The following JAM3 variants were observed in gnomAD, a reference collection of about 807,000 sequenced individuals.
The protein encoded by JAM3 is junctional adhesion molecule 3.
Under a neutral mutation model 39.4 loss-of-function variants are expected in JAM3, and 31 were observed. That is an observed-to-expected ratio of 0.79 (90% CI 0.59 to 1.06). The LOEUF (loss-of-function observed/expected upper bound fraction) is 1.06, where lower values mean the gene tolerates loss of function less well. Among genes scored for constraint, JAM3 ranks in the 50% least tolerant of loss-of-function variants. JAM3 has a pLI of 0.00. For missense variants in JAM3, 455 were observed against 391.4 expected, an observed-to-expected ratio of 1.16 and a Z score of -1.37; for synonymous variants, 182 against 148.7, an observed-to-expected ratio of 1.22 and a Z score of -1.63.
chr11:134,145,768 G>A (rs111841891), intron 5 of JAM3, among the ~76,000 whole-genome samples, 178 bp from the exon 6 acceptor site: 1 of 152,224 alleles, frequency 6.6e-6, no homozygotes, highest in African/African-American at 2.4e-5. Context: ...AAGGGGATTG[G>A]TTGTTGGGGA....
intron 1 of JAM3, among the ~76,000 whole-genome samples, chr11:134,072,766 C>G (rs1016740107): frequency 1.3e-5 from 2 of 152,100 alleles, no homozygotes; most frequent in Non-Finnish European, 2.9e-5. Context: ...AAAAATTAGC[C>G]GGGCGTGCTG....
At chr11:134,138,206 A>G (rs1207890033) in intron 1 of JAM3, among the ~76,000 whole-genome samples, 5 of 122,954 alleles carry the variant, frequency 4.1e-5, no homozygotes, top group Admixed American at 1.5e-4. Context: ...ATACTGAGAG[A>G]AATGTTTATG....
At chr11:134,124,052 C>T in intron 1 of JAM3, 2 of 1,444,288 alleles carry the variant, frequency 1.4e-6, no homozygotes, top group Non-Finnish European at 1.9e-6. Context: ...AGCCACCTGG[C>T]TCTTCACAGA....
intron 1 of JAM3, among the ~76,000 whole-genome samples, chr11:134,084,622 CTG>C (rs1384544886): frequency 6.6e-6 from 1 of 152,166 alleles, no homozygotes; most frequent in Non-Finnish European, 1.5e-5. Flanking sequence ...CTGTTACTAA[CTG>C]TGCTTGTTCC....
At chr11:134,136,929 C>G (rs978526883) in intron 1 of JAM3, among the ~76,000 whole-genome samples, 1 of 152,016 alleles carries the variant, frequency 6.6e-6, no homozygotes, top group Non-Finnish European at 1.5e-5. Flanking sequence ...CTGGCTAACA[C>G]GGTGAAACCC....
chr11:134,089,249 G>C (rs561514483), intron 1 of JAM3, among the ~76,000 whole-genome samples: 39 of 152,120 alleles, frequency 2.6e-4, no homozygotes, highest in South Asian at 1.5e-3. Flanking sequence ...CAGCACTTAG[G>C]ATATTTTGTT....
chr11:134,073,739 A>G (rs1941519476), intron 1 of JAM3, among the ~76,000 whole-genome samples: 1 of 152,202 alleles, frequency 6.6e-6, no homozygotes, highest in Non-Finnish European at 1.5e-5. Flanking sequence ...TCTCAATGAT[A>G]ATAAACATTT....
chr11:134,083,006 GGAT>G (rs1941691729), intron 1 of JAM3, among the ~76,000 whole-genome samples: 2 of 152,064 alleles, frequency 1.3e-5, no homozygotes, highest in African/African-American at 4.8e-5. Flanking sequence ...TCTATTTTAT[GGAT>G]GATGACTATT....
chr11:134,140,054 C>T (rs1158292384), intron 2 of JAM3, 138 bp downstream of exon 2: 2 of 729,998 alleles, frequency 2.7e-6, no homozygotes, highest in Non-Finnish European at 4.8e-6. Flanking sequence ...GGTGCACAGG[C>T]CTGGAAGCAT....
chr11:134,119,094 ATTT>A, intron 1 of JAM3, among the ~76,000 whole-genome samples: 1 of 139,742 alleles, frequency 7.2e-6, no homozygotes. Flanking sequence ...TAATTTTTGT[ATTT>A]TTTTTTTTAG....
At chr11:134,077,671 T>C (rs898082383) in intron 1 of JAM3, among the ~76,000 whole-genome samples, 4 of 145,948 alleles carry the variant, frequency 2.7e-5, no homozygotes, top group African/African-American at 1.0e-4. Context: ...TTTTTTTTTT[T>C]TTGAAACGGA....
At chr11:134,125,066 C>A (rs1350790604) in intron 1 of JAM3, among the ~76,000 whole-genome samples, 1 of 152,214 alleles carries the variant, frequency 6.6e-6, no homozygotes, top group East Asian at 1.9e-4. Context: ...TGCTGCTGCT[C>A]CTGCAGCCGC....
At chr11:134,125,577 T>C (rs986918316) in intron 1 of JAM3, among the ~76,000 whole-genome samples, 1 of 152,188 alleles carries the variant, frequency 6.6e-6, no homozygotes, top group African/African-American at 2.4e-5. Context: ...CTTGTAGCCA[T>C]TGACCTCGCT....
intron 5 of JAM3, chr11:134,145,355 T>C (rs775133727): frequency 1.0e-4 from 40 of 389,306 alleles, no homozygotes; most frequent in Non-Finnish European, 1.7e-4. Flanking sequence ...GCTTTAGGCA[T>C]GATGAAGGTA....
intron 1 of JAM3, chr11:134,124,027 A>C (rs1942589691): frequency 1.4e-6 from 2 of 1,447,422 alleles, no homozygotes; most frequent in Non-Finnish European, 1.9e-6. Flanking sequence ...CCCGCAACAC[A>C]AGGCACTGCA....
intron 1 of JAM3, among the ~76,000 whole-genome samples, chr11:134,112,395 C>T (rs1478110618): frequency 6.6e-6 from 1 of 152,004 alleles, no homozygotes; most frequent in Non-Finnish European, 1.5e-5. Context: ...GCCAGTCAAT[C>T]AATTTAAAAT....
chr11:134,123,467 G>A (rs186476650), intron 1 of JAM3, among the ~76,000 whole-genome samples: 139 of 152,228 alleles, frequency 9.1e-4, no homozygotes, highest in African/African-American at 3.0e-3. Context: ...CAGACAGATG[G>A]TTCTGCACAG....
intron 1 of JAM3, among the ~76,000 whole-genome samples, chr11:134,077,377 T>TA (rs1941587135): frequency 1.3e-5 from 2 of 150,194 alleles, no homozygotes; most frequent in African/African-American, 4.9e-5. Flanking sequence ...TTTTTTTTTT[T>TA]CTTGAGACAG....
At chr11:134,095,216 G>A (rs2120658415) in intron 1 of JAM3, among the ~76,000 whole-genome samples, 1 of 152,308 alleles carries the variant, frequency 6.6e-6, no homozygotes, top group South Asian at 2.1e-4. Flanking sequence ...TAACAGAATG[G>A]TGCAGTCTAA....
Sources: gnomAD v4.1 joint callset for allele counts (sites outside exome capture counted in the v4.1 genomes callset) on GRCh38, gnomAD v4.1.1 for gene constraint, MANE v1.5 for transcripts, NCBI Gene and HGNC (gene_info 2026-07-23, HGNC 2026-07-21) for gene names.